Variants in BCAS3 observed in about 807,000 individuals in gnomAD.
BCAS3 encodes BCAS3 microtubule associated cell migration factor.
BCAS3 carries 53 observed loss-of-function variants against 116.1 expected under a neutral mutation model. That is an observed-to-expected ratio of 0.46 (90% CI 0.37 to 0.57). BCAS3 has a LOEUF of 0.57. Among genes scored for constraint, BCAS3 ranks in the 20% least tolerant of loss-of-function variants. The probability of loss-of-function intolerance (pLI) is 0.00; values close to 1 mark genes in which losing one functional copy is unlikely to be tolerated. For synonymous variants in BCAS3, 391 were observed against 408.2 expected (o/e 0.96, Z 0.51); for missense variants, 917 against 1,165.4 (o/e 0.79, Z 3.10).
chr17:60,909,143 C>T (rs563240139), intron 11 of BCAS3, among the ~76,000 whole-genome samples: 3 of 152,202 alleles, frequency 2.0e-5, no homozygotes, highest in South Asian at 2.1e-4. Context: ...AGTCCCTAGT[C>T]CATAGAAAAG....
chr17:61,326,132 C>A lies in BCAS3; in HGVS notation c.2426-42195C>A, dbSNP rs2055709979. On this transcript the variant is annotated intron_variant, in intron 22 of 23. Coordinates refer to ENST00000407086, the MANE Select transcript of BCAS3 (RefSeq NM_017679.5). This position sits in a 1 kb window ranked among gnomAD's most constrained non-coding sequence, Gnocchi z 5.3. ...AAAAGACATTAATCAGATAATCTCA[C>A]AAATTAACATAATTACAAATTGTGT... Among the ~76,000 whole-genome samples the A allele has an allele frequency of 6.6e-6, 1 of 152,116 alleles. No homozygotes were observed. Among genetic ancestry groups the A allele is most frequent in the South Asian group, 2.1e-4 (1 of 4,822 alleles).
At position 61,211,403 on chromosome 17, in the gene BCAS3, T is replaced by C. The variant is rs939774953; in HGVS notation, c.2425+126839T>C. ...GTCCCTTTTGACTTCTTTTGTCATG[T>C]CTCTAGTGCAGATTTCCCAGCTGCC... is the stretch of plus-strand genomic sequence containing the variant. On this transcript the variant is annotated intron_variant, in intron 22 of 23. Coordinates refer to ENST00000407086, the MANE Select transcript of BCAS3 (RefSeq NM_017679.5). This position sits in a 1 kb window ranked among gnomAD's most constrained non-coding sequence, Gnocchi z 4.4. Among the ~76,000 whole-genome samples, 1 of 152,198 alleles carries C rather than the reference T, an allele frequency of 6.6e-6. No individual in the cohort carries two copies. Among genetic ancestry groups the C allele is most frequent in the Non-Finnish European group, 1.5e-5 (1 of 68,030 alleles).
In BCAS3 at chr17:61,082,012, C is replaced by A. The variant is rs2072660675; in HGVS notation, c.2328-2455C>A. Reference sequence around the variant, plus strand: ...ATAATCTTCCTCCCTGCCGCCTAACCAAAATGGGAAACAGGCAGGCATAGT... The same window carrying A: ...ATAATCTTCCTCCCTGCCGCCTAACAAAAATGGGAAACAGGCAGGCATAGT... On this transcript the variant is annotated intron_variant, in intron 21 of 23. Coordinates refer to ENST00000407086, the MANE Select transcript of BCAS3 (RefSeq NM_017679.5). The surrounding 1 kb of genome is among the most constrained non-coding windows in gnomAD (Gnocchi z 5.1). Among the ~76,000 whole-genome samples, 1 of 152,110 alleles carries A rather than the reference C, an allele frequency of 6.6e-6. No homozygotes were observed. Among genetic ancestry groups the A allele is most frequent in the South Asian group, 2.1e-4 (1 of 4,822 alleles).
At chr17:61,085,440 A>T (rs2073010406) in intron 22 of BCAS3, among the ~76,000 whole-genome samples, 1 of 152,198 alleles carries the variant, frequency 6.6e-6, no homozygotes. Context: ...GTGAAAGAAA[A>T]TGGAAACAAA....
At chr17:60,791,998 C>T (rs1251719417) in intron 6 of BCAS3, among the ~76,000 whole-genome samples, 2 of 152,122 alleles carry the variant, frequency 1.3e-5, no homozygotes, top group Non-Finnish European at 2.9e-5. Flanking sequence ...TGACAAGCGC[C>T]TGTTATCCCA....
chr17:61,194,102 G>A (rs1713144012), intron 22 of BCAS3, among the ~76,000 whole-genome samples: 1 of 152,058 alleles, frequency 6.6e-6, no homozygotes, highest in African/African-American at 2.4e-5. Flanking sequence ...GGGTGACAGA[G>A]CGAGACCCTG....
intron 5 of BCAS3, among the ~76,000 whole-genome samples, chr17:60,725,966 G>GCTCACTGCA (rs2039792622): frequency 6.6e-6 from 1 of 152,152 alleles, no homozygotes; most frequent in East Asian, 1.9e-4. Flanking sequence ...TGTGATCTTG[G>GCTCACTGCA]CTCACTGCAG....
At position 60,693,498 on chromosome 17, in the gene BCAS3, C is replaced by G. The variant is rs954972485; in HGVS notation, c.214+3737C>G. Among the ~76,000 whole-genome samples, 35 of 151,070 alleles carry G rather than the reference C, an allele frequency of 2.3e-4. 1 individual carries two copies. Among genetic ancestry groups the G allele is most frequent in the African/African-American group, 8.6e-4 (35 of 40,864 alleles). On this transcript the variant is annotated intron_variant, in intron 4 of 23. Transcript: ENST00000407086. ...AACTTGAACTTGGCTCACTGCAGCC[C>G]CGACCTTCTGGGCTCAAGCAATCCT...
intron 5 of BCAS3, among the ~76,000 whole-genome samples, chr17:60,715,283 G>A (rs1001301209): frequency 5.3e-5 from 8 of 151,558 alleles, no homozygotes; most frequent in South Asian, 2.1e-4. Flanking sequence ...ACAGGTGTGC[G>A]CCACCACACT....
At chr17:61,092,152 T>C (rs924067584) in intron 22 of BCAS3, among the ~76,000 whole-genome samples, 4 of 152,236 alleles carry the variant, frequency 2.6e-5, no homozygotes, top group African/African-American at 9.6e-5. Flanking sequence ...CTCAACTTAA[T>C]TTGTTTGAGA....
Position 61,261,667 on chromosome 17 carries a change from A to G in BCAS3, c.2426-106660A>G, listed in dbSNP as rs74632839. Among the ~76,000 whole-genome samples, 1,753 of 152,338 alleles carry G rather than the reference A, an allele frequency of 0.012. 31 individuals are homozygous for G. The highest frequency in any genetic ancestry group is 0.04 in the African/African-American group (1,666 of 41,562). On this transcript the variant is annotated intron_variant, in intron 22 of 23. Transcript: ENST00000407086. This position sits in a 1 kb window ranked among gnomAD's most constrained non-coding sequence, Gnocchi z 4.4. ...AGTGTACAAATTGATGGTTGCATAT[A>G]CAGGAATTGGTTGAACCTTATTGTT...
chr17:61,380,670 A>T lies in BCAS3; in HGVS notation c.2594-11307A>T. 8.8e-7 allele frequency: 1 copy of T among 1,141,600 alleles called. No individual in the cohort carries two copies. Among genetic ancestry groups the T allele is most frequent in the Non-Finnish European group, 1.3e-6 (1 of 783,088 alleles). 70.7% of individuals were successfully genotyped at this position (1,141,600 alleles called of 1,614,324 possible). ...CTCCTACCCCCTCGTGCCCAGGCCC[A>T]GGAGCACTCTAGGGAGGGCAGGGGT... On this transcript the variant is annotated intron_variant, in intron 23 of 23. Coordinates refer to ENST00000407086, the MANE Select transcript of BCAS3 (RefSeq NM_017679.5). This position sits in a 1 kb window ranked among gnomAD's most constrained non-coding sequence, Gnocchi z 4.2.
chr17:60,786,551 A>G (rs1236336247), intron 6 of BCAS3, among the ~76,000 whole-genome samples: 5 of 102,126 alleles, frequency 4.9e-5, no homozygotes, highest in African/African-American at 3.5e-4. Flanking sequence ...AAATGTGTAT[A>G]TATATATATA....
intron 18 of BCAS3, among the ~76,000 whole-genome samples, chr17:61,039,615 G>C (rs1252107181): frequency 6.6e-6 from 1 of 152,060 alleles, no homozygotes; most frequent in East Asian, 1.9e-4. Flanking sequence ...TAGAGACAGG[G>C]TTTCACTGTG....
intron 6 of BCAS3, among the ~76,000 whole-genome samples, chr17:60,783,930 A>G (rs572285176): frequency 4.6e-5 from 7 of 152,294 alleles, no homozygotes; most frequent in African/African-American, 1.4e-4. Flanking sequence ...GTAGTGAACA[A>G]TGAGAATTGG....
rs1054846403 is a variant in BCAS3, at chr17:61,139,326, G to A, written c.2425+54762G>A. Among the ~76,000 whole-genome samples the A allele has an allele frequency of 6.6e-6, 1 of 152,170 alleles. No individual in the cohort carries two copies. Among genetic ancestry groups the A allele is most frequent in the Non-Finnish European group, 1.5e-5 (1 of 68,028 alleles). ...TGCTTCTTTAAGGAAGTGCGAGAAG[G>A]TTAAAGATGTCTGTGATCTGGCCAA... On this transcript the variant is annotated intron_variant, in intron 22 of 23. Coordinates refer to ENST00000407086, the MANE Select transcript of BCAS3 (RefSeq NM_017679.5). This position sits in a 1 kb window ranked among gnomAD's most constrained non-coding sequence, Gnocchi z 4.7.
In BCAS3 at chr17:61,072,190, T is replaced by G. The variant is rs147673055; in HGVS notation, c.2030-2730T>G. Among the ~76,000 whole-genome samples the G allele has an allele frequency of 1.1e-4, 16 of 152,312 alleles. No individual in the cohort carries two copies. The East Asian group carries it at 2.9e-3, about 28-fold the overall frequency. ...TTTATTACTTCCTTTGGAAAGTTAA[T>G]GAGGGCAGAGAGGATCTTTCTCCCT... On this transcript the variant is annotated intron_variant, in intron 19 of 23. Transcript: ENST00000407086.
rs542742205 is a variant in BCAS3 at position 60,850,639 on chromosome 17, G to A, written c.477-17937G>A. ...TTCTGAAAGTGCTGGGATTAGAGGC[G>A]TGAGCCACTGCGCCCGGCCAATTTT... On this transcript the variant is annotated intron_variant, in intron 7 of 23. Coordinates refer to ENST00000407086, the MANE Select transcript of BCAS3 (RefSeq NM_017679.5). Among the ~76,000 whole-genome samples the A allele has an allele frequency of 3.3e-5, 5 of 152,196 alleles. No individual in the cohort carries two copies. The South Asian group carries it at 8.3e-4, about 25-fold the overall frequency.
chr17:61,188,250 A>G lies in BCAS3; in HGVS notation c.2425+103686A>G, dbSNP rs750473742. Among the ~76,000 whole-genome samples, 1 of 152,306 alleles carries G rather than the reference A, an allele frequency of 6.6e-6. No individual in the cohort carries two copies. Among genetic ancestry groups the G allele is most frequent in the South Asian group, 2.1e-4 (1 of 4,824 alleles). On this transcript the variant is annotated intron_variant, in intron 22 of 23. Coordinates refer to ENST00000407086, the MANE Select transcript of BCAS3 (RefSeq NM_017679.5). The surrounding 1 kb of genome is among the most constrained non-coding windows in gnomAD (Gnocchi z 4.0). Reference sequence around the variant, plus strand: ...TGTTGTTGTTTAACTTTAAGGATCTATTGAGTTGGTACCCTGATACCTGAA... The same window carrying G: ...TGTTGTTGTTTAACTTTAAGGATCTGTTGAGTTGGTACCCTGATACCTGAA...
Sources: gnomAD v4.1 joint callset for allele counts (sites outside exome capture counted in the v4.1 genomes callset) on GRCh38, gnomAD v4.1.1 for gene constraint, Gnocchi (gnomAD v3.1) non-coding constraint, MANE v1.5 for transcripts, NCBI Gene and HGNC (gene_info 2026-07-23, HGNC 2026-07-21) for gene names.